Variants in DMRT1 observed in about 807,000 individuals in gnomAD.
DMRT1 encodes the protein doublesex- and mab-3-related transcription factor 1.
In DMRT1, 7 loss-of-function variants were observed where a neutral mutation model predicts 32.3. The ratio of observed to expected loss-of-function variants is 0.22; its 90% CI spans 0.12 to 0.41. The LOEUF is 0.41. Among genes scored for constraint, DMRT1 ranks in the 10% least tolerant of loss-of-function variants. The pLI is 1.00. For synonymous variants in DMRT1, 278 were observed against 206.1 expected, an observed-to-expected ratio of 1.35 and a Z score of -2.99; for missense variants, 625 against 500.5, an observed-to-expected ratio of 1.25 and a Z score of -2.37.
chr9:947,856 T>G (rs1285661783), intron 4 of DMRT1, among the ~76,000 whole-genome samples: 7 of 152,046 alleles, frequency 4.6e-5, no homozygotes, highest in Admixed American at 2.0e-4. Flanking sequence ...GTCGCTGGAG[T>G]CATAGATCTC....
chr9:892,770 C>T (rs942443576), intron 2 of DMRT1, among the ~76,000 whole-genome samples: 1 of 152,134 alleles, frequency 6.6e-6, no homozygotes, highest in African/African-American at 2.4e-5. Context: ...GGACTGAGGC[C>T]CGCCTCACCT....
At chr9:937,830 A>T (rs1448179457) in intron 4 of DMRT1, among the ~76,000 whole-genome samples, 2 of 151,428 alleles carry the variant, frequency 1.3e-5, no homozygotes, top group Non-Finnish European at 1.5e-5. Flanking sequence ...TCTTTTGCAC[A>T]AAAGTTTTTT....
intron 2 of DMRT1, among the ~76,000 whole-genome samples, chr9:874,595 C>G (rs1554748605): frequency 6.6e-6 from 1 of 152,028 alleles, no homozygotes; most frequent in Admixed American, 6.6e-5. Context: ...AGAAAAAGGG[C>G]CATGATGCCT....
At chr9:885,082 G>GGCTT (rs1401875801) in intron 2 of DMRT1, among the ~76,000 whole-genome samples, 1 of 152,236 alleles carries the variant, frequency 6.6e-6, no homozygotes, top group African/African-American at 2.4e-5. Context: ...AAGGAGGCAT[G>GGCTT]GCTTGCTTCT....
At chr9:876,133 TCTTAC>T (rs1312537884) in intron 2 of DMRT1, among the ~76,000 whole-genome samples, 2 of 152,194 alleles carry the variant, frequency 1.3e-5, no homozygotes, top group Non-Finnish European at 2.9e-5. Flanking sequence ...TGACAGGTCT[TCTTAC>T]CTGGTTCCGA....
intron 1 of DMRT1, among the ~76,000 whole-genome samples, chr9:844,165 G>T (rs942059682): frequency 3.3e-5 from 5 of 151,972 alleles, no homozygotes; most frequent in African/African-American, 1.2e-4. Context: ...TGCTTACACC[G>T]TTAAAAACAA....
At chr9:961,014 G>A (rs967571127) in intron 4 of DMRT1, among the ~76,000 whole-genome samples, 2 of 152,146 alleles carry the variant, frequency 1.3e-5, no homozygotes, top group African/African-American at 2.4e-5. Context: ...GGGGCCCCAC[G>A]CCTTGTGTAG....
chr9:885,490 C>T (rs1816891238), intron 2 of DMRT1, among the ~76,000 whole-genome samples: 4 of 152,186 alleles, frequency 2.6e-5, no homozygotes, highest in South Asian at 4.1e-4. Context: ...CCCAACCAAA[C>T]GCAGCGTTGT....
chr9:882,530 G>A (rs2132632120), intron 2 of DMRT1, among the ~76,000 whole-genome samples: 1 of 152,142 alleles, frequency 6.6e-6, no homozygotes, highest in South Asian at 2.1e-4. Flanking sequence ...GCTCCTCCAG[G>A]CCAGGGTTTT....
chr9:888,552 G>C (rs913514151), intron 2 of DMRT1, among the ~76,000 whole-genome samples: 40 of 152,158 alleles, frequency 2.6e-4, no homozygotes, highest in Non-Finnish European at 1.5e-5. Context: ...CTTGTACCTC[G>C]GCCTCCCAAA....
At chr9:918,830 C>A (rs1173334468) in intron 4 of DMRT1, among the ~76,000 whole-genome samples, 1 of 152,188 alleles carries the variant, frequency 6.6e-6, no homozygotes. Context: ...GGCTTAATGC[C>A]TTCCAAATGT....
intron 4 of DMRT1, among the ~76,000 whole-genome samples, chr9:921,361 G>A (rs562947085): frequency 6.6e-6 from 1 of 152,298 alleles, no homozygotes; most frequent in East Asian, 1.9e-4. Context: ...TAGTATGGAT[G>A]GATATACCAC....
At chr9:939,385 T>C (rs978260682) in intron 4 of DMRT1, among the ~76,000 whole-genome samples, 1 of 152,148 alleles carries the variant, frequency 6.6e-6, no homozygotes, top group African/African-American at 2.4e-5. Context: ...TCACCAAGTC[T>C]TCTTCTTTAA....
intron 4 of DMRT1, among the ~76,000 whole-genome samples, chr9:946,689 C>T (rs1819257410): frequency 6.6e-6 from 1 of 152,242 alleles, no homozygotes; most frequent in African/African-American, 2.4e-5. Flanking sequence ...AGGCGATCTC[C>T]CCAAAATAAA....
intron 3 of DMRT1, among the ~76,000 whole-genome samples, chr9:914,303 G>A (rs1405879526): frequency 2.0e-5 from 3 of 151,702 alleles, no homozygotes; most frequent in Non-Finnish European, 2.9e-5. Context: ...GGCCAGGCGC[G>A]GTGGCTCACG....
At chr9:945,085 A>G (rs181022436) in intron 4 of DMRT1, among the ~76,000 whole-genome samples, 2 of 152,350 alleles carry the variant, frequency 1.3e-5, no homozygotes, top group Admixed American at 1.3e-4. Context: ...TAGCATTTTC[A>G]AAAAGTGAAA....
chr9:917,041 A>T, intron 4 of DMRT1, 134 bp downstream of exon 4: 1 of 970,336 alleles, frequency 1.0e-6, no homozygotes, highest in East Asian at 2.5e-5. Flanking sequence ...AGCTTGGATA[A>T]GTATCCTTTA....
At chr9:932,295 T>A (rs1047314958) in intron 4 of DMRT1, among the ~76,000 whole-genome samples, 2 of 152,228 alleles carry the variant, frequency 1.3e-5, no homozygotes, top group African/African-American at 4.8e-5. Flanking sequence ...AGTGAGAGAC[T>A]TTGCCAGTTT....
Position 879,781 on chromosome 9 carries a change from C to T in DMRT1, c.539-14131C>T, listed in dbSNP as rs150025739. 4.7e-4 allele frequency among the ~76,000 whole-genome samples: 72 copies of T among 152,330 alleles called. 1 individual carries two copies. The highest frequency in any genetic ancestry group is 1.4e-3 in the African/African-American group (57 of 41,572). On this transcript the variant is annotated intron_variant, in intron 2 of 4. Transcript: ENST00000382276. ...TCAAGGTGGTATGGCCATAGACTCT[C>T]TTATACTTTGGATGGCTCTTTCATC...
Sources: gnomAD v4.1 joint callset for allele counts (sites outside exome capture counted in the v4.1 genomes callset) on GRCh38, gnomAD v4.1.1 for gene constraint, MANE v1.5 for transcripts, NCBI Gene and HGNC (gene_info 2026-07-23, HGNC 2026-07-21) for gene names.